GOSR2: variants seen among roughly 807,000 people sequenced by gnomAD.
GOSR2 encodes golgi SNAP receptor complex member 2.
GOSR2 carries 20 observed loss-of-function variants against 27.9 expected under a neutral mutation model. The ratio of observed to expected loss-of-function variants is 0.72; its 90% CI spans 0.50 to 1.04. The LOEUF is 1.04. GOSR2 is among the 50% of genes least tolerant of loss of function. The probability of loss-of-function intolerance (pLI) is 0.00; values close to 1 mark genes in which losing one functional copy is unlikely to be tolerated. For synonymous variants in GOSR2, 91 were observed against 98.8 expected (o/e 0.92, Z 0.47); for missense variants, 261 against 270.5 (o/e 0.97, Z 0.25).
intron 1 of GOSR2, chr17:46,923,506 C>G (rs1228137722): frequency 1.4e-6 from 2 of 1,381,136 alleles, no homozygotes; most frequent in African/African-American, 2.9e-5. Flanking sequence ...CTGGCACCTG[C>G]AGGTTATAAA....
chr17:46,954,158 T>C (rs2090558989), intron 6 of GOSR2, among the ~76,000 whole-genome samples: 1 of 152,264 alleles, frequency 6.6e-6, no homozygotes, highest in Non-Finnish European at 1.5e-5. Flanking sequence ...CTAGGGTTTT[T>C]ATGGTTTTAG....
Position 46,928,482 on chromosome 17 carries a change from C to T in GOSR2, c.30-1038C>T, listed in dbSNP as rs562290018. On this transcript the variant is annotated intron_variant, in intron 1 of 5. Transcript: ENST00000640051. The stretch of plus-strand genomic sequence containing the variant: ...GAGCACCGGGAAGTGGATGGTGGGG[C>T]CAGCATAAGCAGTATCCCGAGGACT... Among the ~76,000 whole-genome samples, 40 of 152,150 alleles carry T rather than the reference C, an allele frequency of 2.6e-4. No homozygotes were observed. In the South Asian group the frequency reaches 6.7e-3, roughly 25 times the overall value.
At chr17:46,931,741 G>C (rs1394604564) in intron 3 of GOSR2, 1 of 399,586 alleles carries the variant, frequency 2.5e-6, no homozygotes, top group Non-Finnish European at 4.5e-6. Flanking sequence ...TCTTCCAGGA[G>C]AGCCATATAA....
intron 1 of GOSR2, 92 bp from the exon 2 acceptor site, chr17:46,929,428 G>T: frequency 1.3e-6 from 1 of 765,534 alleles, no homozygotes; most frequent in South Asian, 1.4e-5. Flanking sequence ...ATTTAAATCA[G>T]TTACATGTTG....
chr17:46,951,330 C>T (rs2090328402), intron 6 of GOSR2, among the ~76,000 whole-genome samples: 1 of 152,166 alleles, frequency 6.6e-6, no homozygotes, highest in Non-Finnish European at 1.5e-5. Context: ...AGCTCATCCA[C>T]CCAGAGCCCA....
rs1407750568 is a variant in GOSR2 at position 46,938,770 on chromosome 17, G to A, written c.*10G>A. 3.1e-6 allele frequency: 5 copies of A among 1,613,380 alleles called. No individual in the cohort carries two copies. The African/African-American group carries it at 4.0e-5, about 13-fold the overall frequency. ...GCAGTACCTGACATGAGCCAGCCACGCTCAGTGGCTGAACAGCATTCCCAC... is the reference window on the plus strand; with the variant it reads ...GCAGTACCTGACATGAGCCAGCCACACTCAGTGGCTGAACAGCATTCCCAC... On this transcript the variant is annotated 3_prime_UTR_variant, in exon 6 of 6. Transcript: ENST00000640051.
intron 1 of GOSR2, chr17:46,924,012 AT>A: frequency 2.5e-6 from 1 of 396,464 alleles, no homozygotes; most frequent in Non-Finnish European, 4.4e-6. Context: ...TGTTTTAACA[AT>A]TTTTAAGTGT....
At position 46,923,191 on chromosome 17, in the gene GOSR2, A is replaced by G. The variant is rs763191781; in HGVS notation, c.-2A>G. The G allele has an allele frequency of 5.2e-6, 8 of 1,544,620 alleles. No individual in the cohort carries two copies. The highest frequency in any genetic ancestry group is 1.7e-4 in the Middle Eastern group (1 of 5,968). ...GGAGCCGTGGCCTGCGGGGCCGGCG[A>G]CATGGATCCCCTGTTCCAGCAAACG... On this transcript the variant is annotated 5_prime_UTR_variant, in exon 1 of 6. Coordinates refer to ENST00000640051, the MANE Select transcript of GOSR2 (RefSeq NM_004287.5).
At chr17:46,964,531 G>A (rs1156344438) in intron 6 of GOSR2, 3 of 152,494 alleles carry the variant, frequency 2.0e-5, no homozygotes, top group East Asian at 3.8e-4. Flanking sequence ...GCCAGAGGTG[G>A]GGAGGCTGGT....
downstream of GOSR2, among the ~76,000 whole-genome samples, chr17:46,971,795 C>T (rs2091394962): frequency 6.6e-6 from 1 of 152,234 alleles, no homozygotes; most frequent in Admixed American, 6.5e-5. Context: ...GTGCACACCT[C>T]ACCAGGCCCC....
Position 46,923,189 on chromosome 17 carries a change from C to T in GOSR2, c.-4C>T, listed in dbSNP as rs1209519642. 11 of 1,542,142 alleles carry T rather than the reference C, an allele frequency of 7.1e-6. No individual in the cohort carries two copies. The Admixed American group carries it at 9.8e-5, about 14-fold the overall frequency. On this transcript the variant is annotated 5_prime_UTR_variant, in exon 1 of 6. Transcript: ENST00000640051. ...CCGGAGCCGTGGCCTGCGGGGCCGG[C>T]GACATGGATCCCCTGTTCCAGCAAA...
At position 46,940,388 on chromosome 17, in the gene GOSR2, G is replaced by A; in HGVS notation, c.*1628G>A. 6.5e-7 allele frequency: 1 copy of A among 1,543,490 alleles called. No individual in the cohort carries two copies. Among genetic ancestry groups the A allele is most frequent in the East Asian group, 2.3e-5 (1 of 42,632 alleles). On this transcript the variant is annotated 3_prime_UTR_variant, in exon 6 of 6. Coordinates refer to ENST00000640051, the MANE Select transcript of GOSR2 (RefSeq NM_004287.5). ...TAAAGCAGTGACTGGAGGGTGGACT[G>A]GGGGGTTGCAGCATCTTTAGACCTA...
intron 6 of GOSR2, among the ~76,000 whole-genome samples, chr17:46,953,189 C>A (rs2090487893): frequency 6.6e-6 from 1 of 151,610 alleles, no homozygotes; most frequent in Non-Finnish European, 1.5e-5. Context: ...TAATGCTATC[C>A]CTCCCCACTC....
intron 2 of GOSR2, chr17:46,929,831 G>A: frequency 2.0e-6 from 1 of 497,922 alleles, no homozygotes. Flanking sequence ...GGGAATGGAA[G>A]CGCTTGCCTC....
At chr17:46,959,674 G>C (rs1229974650) in intron 6 of GOSR2, among the ~76,000 whole-genome samples, 1 of 152,160 alleles carries the variant, frequency 6.6e-6, no homozygotes, top group African/African-American at 2.4e-5. Context: ...CTGAATTATG[G>C]TGGGAAAGGA....
downstream of GOSR2, among the ~76,000 whole-genome samples, chr17:46,971,514 T>C (rs1438699939): frequency 6.6e-6 from 1 of 152,148 alleles, no homozygotes; most frequent in Non-Finnish European, 1.5e-5. Context: ...CTATATCCTT[T>C]GCTGACCTTG....
chr17:46,942,026 G>A (rs2147104913), downstream of GOSR2: 1 of 882,562 alleles, frequency 1.1e-6, no homozygotes, highest in Non-Finnish European at 1.4e-6. Context: ...TCCTACCTTA[G>A]TCCAAAAAAG....
chr17:46,937,095 G>T (rs2088524645), intron 5 of GOSR2: 1 of 152,346 alleles, frequency 6.6e-6, no homozygotes, highest in Non-Finnish European at 1.5e-5. Context: ...CTAAGAAATT[G>T]AATGTGCTTT....
chr17:46,931,863 T>C (rs1235676369), intron 3 of GOSR2: 1 of 611,120 alleles, frequency 1.6e-6, no homozygotes, highest in African/African-American at 1.8e-5. Context: ...GAATCTTGTG[T>C]GCTACCATCT....
Sources: allele counts gnomAD v4.1 joint callset (sites outside exome capture counted in the v4.1 genomes callset), GRCh38; gene constraint gnomAD v4.1.1; transcripts MANE v1.5; gene names NCBI Gene and HGNC (gene_info 2026-07-23, HGNC 2026-07-21).